The following SORBS2 variants were observed in gnomAD, a reference collection of about 807,000 sequenced individuals.
SORBS2 encodes the protein sorbin and SH3 domain containing 2.
Under a neutral mutation model 97.7 loss-of-function variants are expected in SORBS2, and 46 were observed. The observed-to-expected ratio is 0.47, with a 90% CI of 0.37 to 0.60. SORBS2 has a LOEUF of 0.60. Ranked by LOEUF, SORBS2 falls within the 20% of genes least tolerant of loss-of-function variation. The pLI is 0.00. For synonymous variants in SORBS2, 476 were observed against 473.4 expected (o/e 1.01, Z -0.07); for missense variants, 1,316 against 1,282.3 (o/e 1.03, Z -0.40).
upstream of SORBS2, among the ~76,000 whole-genome samples, chr4:185,659,421 T>C (rs1395952776): frequency 6.6e-6 from 1 of 150,816 alleles, no homozygotes; most frequent in Non-Finnish European, 1.5e-5. Flanking sequence ...TATTTTTACT[T>C]CTTTATTTTT....
rs560652936 is a variant in SORBS2, at chr4:185,931,627, G to A, written c.-338+24569C>T. On this transcript the variant is annotated intron_variant, in intron 1 of 20. Transcript: ENST00000284776. ...GGCTAGGGGATGAGGCATTTGATCA[G>A]GTACCAAGGGGGATCAGACCCCAAG... is the stretch of plus-strand genomic sequence containing the variant. Among the ~76,000 whole-genome samples the A allele has an allele frequency of 1.2e-4, 18 of 152,250 alleles. No individual in the cohort carries two copies. In the South Asian group the frequency reaches 3.3e-3, roughly 28 times the overall value.
chr4:185,695,965 C>T (rs2098169486), intron 2 of SORBS2, among the ~76,000 whole-genome samples: 1 of 152,152 alleles, frequency 6.6e-6, no homozygotes, highest in Admixed American at 6.5e-5. Flanking sequence ...CATAAGAACA[C>T]CAAGTACCTC....
intron 2 of SORBS2, among the ~76,000 whole-genome samples, chr4:185,765,654 T>C (rs2098930423): frequency 6.6e-6 from 1 of 152,222 alleles, no homozygotes; most frequent in South Asian, 2.1e-4. Context: ...GTGCCAATTC[T>C]AAATTAATTT....
intron 2 of SORBS2, among the ~76,000 whole-genome samples, chr4:185,685,593 A>G (rs543828783): frequency 5.5e-4 from 84 of 152,262 alleles, no homozygotes; most frequent in African/African-American, 1.9e-3. Flanking sequence ...GTGCAGTGGT[A>G]CCATCACAGC....
At chr4:185,695,387 G>A (rs1226460324) in intron 2 of SORBS2, among the ~76,000 whole-genome samples, 1 of 152,098 alleles carries the variant, frequency 6.6e-6, no homozygotes, top group Non-Finnish European at 1.5e-5. Flanking sequence ...TTCCACAGAC[G>A]AACCTTAAGC....
intron 1 of SORBS2, among the ~76,000 whole-genome samples, chr4:185,925,452 T>C (rs922188212): frequency 1.2e-4 from 18 of 152,154 alleles, no homozygotes; most frequent in African/African-American, 3.9e-4. Flanking sequence ...AATGGATAAC[T>C]GAAAAACACA....
At chr4:185,864,291 C>A (rs915672974) in intron 1 of SORBS2, among the ~76,000 whole-genome samples, 41 of 152,238 alleles carry the variant, frequency 2.7e-4, no homozygotes, top group African/African-American at 8.2e-4. Context: ...TTCCCCACAA[C>A]TAAACATTAG....
chr4:185,789,952 C>A (rs920701863), intron 1 of SORBS2, among the ~76,000 whole-genome samples: 1 of 152,152 alleles, frequency 6.6e-6, no homozygotes, highest in Non-Finnish European at 1.5e-5. Context: ...TCCAAATCAA[C>A]TGGAGCAGTG....
chr4:185,814,553 AAAACAAAC>A (rs36055043), intron 1 of SORBS2, among the ~76,000 whole-genome samples: 10 of 151,140 alleles, frequency 6.6e-5, no homozygotes, highest in Non-Finnish European at 1.0e-4. Context: ...TTTTAGTAGC[AAAACAAAC>A]AAACAAACAA....
At chr4:185,793,997 G>A (rs1339922237) in intron 1 of SORBS2, among the ~76,000 whole-genome samples, 1 of 152,170 alleles carries the variant, frequency 6.6e-6, no homozygotes. Context: ...CATTGGTGCA[G>A]AATTGGAGGA....
rs567614866 is a variant in SORBS2 at position 185,756,069 on chromosome 4, T to C, written c.-198+19158A>G. On this transcript the variant is annotated intron_variant, in intron 2 of 20. Coordinates refer to the SORBS2 transcript ENST00000284776. ...TGAAGACATCCAAGAATTTTCATAG[T>C]ATGCAAGTGATCTGGACTGGTGGTT... is the stretch of plus-strand genomic sequence containing the variant. Among the ~76,000 whole-genome samples the C allele has an allele frequency of 2.0e-5, 3 of 152,328 alleles. No homozygotes were observed. In the South Asian group the frequency reaches 6.2e-4, roughly 32 times the overall value.
intron 2 of SORBS2, among the ~76,000 whole-genome samples, chr4:185,706,049 G>T (rs988374041): frequency 3.1e-5 from 2 of 65,374 alleles, no homozygotes; most frequent in Non-Finnish European, 1.1e-4. Context: ...TTGGCAGGAT[G>T]ATTTTGTTTG....
chr4:185,840,230 T>C (rs2099210657), intron 1 of SORBS2, among the ~76,000 whole-genome samples: 1 of 152,180 alleles, frequency 6.6e-6, no homozygotes, highest in African/African-American at 2.4e-5. Flanking sequence ...AAGTCAATTT[T>C]CCCGTGTTAT....
At chr4:185,652,547 G>T in intron 2 of SORBS2, 115 bp downstream of exon 10, 1 of 799,856 alleles carries the variant, frequency 1.3e-6, no homozygotes, top group Non-Finnish European at 2.2e-6. Flanking sequence ...AAAAGAAAGG[G>T]GACACGGAGT....
At chr4:185,657,930 G>T (rs1421109502), upstream of SORBS2, among the ~76,000 whole-genome samples, 1 of 152,170 alleles carries the variant, frequency 6.6e-6, no homozygotes, top group Non-Finnish European at 1.5e-5. Flanking sequence ...GGGCAGGATA[G>T]GGGGAGCAAG....
intron 2 of SORBS2, among the ~76,000 whole-genome samples, chr4:185,706,209 A>G (rs531602553): frequency 6.6e-6 from 1 of 152,314 alleles, no homozygotes; most frequent in East Asian, 1.9e-4. Flanking sequence ...TTACTATTGA[A>G]CCCTAAACAT....
Position 185,684,885 on chromosome 4 carries a change from C to T in SORBS2, c.-197-6063G>A, listed in dbSNP as rs748233922. The T allele has an allele frequency of 5.0e-5, 74 of 1,469,494 alleles. No individual in the cohort carries two copies. In the Middle Eastern group the frequency reaches 5.1e-4, roughly 10 times the overall value. The allele number at this position is 1,469,494 out of a possible 1,614,324, so 91.0% of individuals were successfully genotyped here. On this transcript the variant is annotated intron_variant, in intron 2 of 20. Coordinates refer to the SORBS2 transcript ENST00000284776. The surrounding 1 kb of genome is among the most constrained non-coding windows in gnomAD (Gnocchi z 4.2). Reference sequence around the variant, plus strand: ...AATGATATAGCAGAGGCCAAGGCAACGGGAAAAGCACGTGCAATATCATGC... The same window carrying T: ...AATGATATAGCAGAGGCCAAGGCAATGGGAAAAGCACGTGCAATATCATGC...
At chr4:185,942,289 C>T (rs1360030904) in intron 1 of SORBS2, among the ~76,000 whole-genome samples, 1 of 152,070 alleles carries the variant, frequency 6.6e-6, no homozygotes, top group East Asian at 1.9e-4. Context: ...TAGGAAAGCA[C>T]TTTTTGCAGT....
intron 4 of SORBS2, among the ~76,000 whole-genome samples, chr4:185,677,848 T>C (rs2097816011): frequency 6.6e-6 from 1 of 152,330 alleles, no homozygotes; most frequent in East Asian, 1.9e-4. Flanking sequence ...TATCAATGTT[T>C]GCCCTTGGGG....
Sources: allele counts gnomAD v4.1 joint callset (sites outside exome capture counted in the v4.1 genomes callset), GRCh38; gene constraint gnomAD v4.1.1; non-coding constraint Gnocchi (gnomAD v3.1); transcripts MANE v1.5; gene names NCBI Gene and HGNC (gene_info 2026-07-23, HGNC 2026-07-21).